PARD3B: variants seen among roughly 807,000 people sequenced by gnomAD.
The protein encoded by PARD3B is par-3 family cell polarity regulator beta, also known as partitioning defective 3 homolog B.
A neutral mutation model predicts 130.2 loss-of-function variants in PARD3B; 103 were observed. The ratio of observed to expected loss-of-function variants is 0.79; its 90% CI spans 0.67 to 0.93. PARD3B has a LOEUF of 0.93. Ranked by LOEUF, PARD3B falls within the 40% of genes least tolerant of loss-of-function variation. The probability of loss-of-function intolerance (pLI) is 0.00; values close to 1 mark genes in which losing one functional copy is unlikely to be tolerated. For missense variants in PARD3B, 1,609 were observed against 1,499.2 expected (o/e 1.07, Z -1.21); for synonymous variants, 583 against 553.2 (o/e 1.05, Z -0.76).
intron 1 of PARD3B, among the ~76,000 whole-genome samples, chr2:204,668,698 C>T (rs79656233): frequency 0.011 from 1,736 of 152,190 alleles, 21 homozygotes; most frequent in African/African-American, 0.039. Flanking sequence ...CAATACATTC[C>T]GTCCTTATGG....
rs574763976 is a variant in PARD3B, at chr2:205,229,930, C to T, written c.2141-15848C>T. On this transcript the variant is annotated intron_variant, in intron 15 of 22. Coordinates refer to ENST00000406610, the MANE Select transcript of PARD3B (RefSeq NM_001302769.2). The surrounding 1 kb of genome is among the most constrained non-coding windows in gnomAD (Gnocchi z 5.2). ...ACTCTCTCCCCACAGCCACCACCAC[C>T]ACGTCCATGGCAAGTACTGCCTGTC... Among the ~76,000 whole-genome samples, 1 of 152,056 alleles carries T rather than the reference C, an allele frequency of 6.6e-6. No individual in the cohort carries two copies. Among genetic ancestry groups the T allele is most frequent in the African/African-American group, 2.4e-5 (1 of 41,496 alleles).
chr2:204,739,913 A>G (rs1237791572), intron 2 of PARD3B, among the ~76,000 whole-genome samples: 1 of 151,692 alleles, frequency 6.6e-6, no homozygotes, highest in Non-Finnish European at 1.5e-5. Context: ...CAGTAATGAC[A>G]TTTTTAAAAG....
At chr2:205,574,008 A>T (rs1006965527) in intron 22 of PARD3B, among the ~76,000 whole-genome samples, 7 of 152,210 alleles carry the variant, frequency 4.6e-5, no homozygotes, top group African/African-American at 1.7e-4. Flanking sequence ...AGAAATCCTT[A>T]TATATTAAAA....
intron 21 of PARD3B, among the ~76,000 whole-genome samples, chr2:205,548,388 A>G (rs1302372983): frequency 6.6e-6 from 1 of 151,720 alleles, no homozygotes; most frequent in East Asian, 1.9e-4. Context: ...CCCTCCTCCC[A>G]CCTCTACTCC....
chr2:205,082,169 T>A (rs1701457130), intron 4 of PARD3B, among the ~76,000 whole-genome samples: 1 of 152,190 alleles, frequency 6.6e-6, no homozygotes, highest in South Asian at 2.1e-4. Flanking sequence ...AGAATTCCTT[T>A]GTTTTTCTAT....
chr2:205,095,807 A>T (rs1003114427), intron 4 of PARD3B, among the ~76,000 whole-genome samples: 4 of 152,160 alleles, frequency 2.6e-5, no homozygotes, highest in African/African-American at 9.6e-5. Context: ...GTATAATTTT[A>T]AAGAACTTTA....
At chr2:205,088,224 C>A (rs1488285543) in intron 4 of PARD3B, among the ~76,000 whole-genome samples, 1 of 152,090 alleles carries the variant, frequency 6.6e-6, no homozygotes, top group African/African-American at 2.4e-5. Context: ...TAGAAACGTA[C>A]TCAGTGATGC....
intron 2 of PARD3B, among the ~76,000 whole-genome samples, chr2:204,859,684 A>T (rs2045105458): frequency 1.3e-5 from 2 of 152,152 alleles, no homozygotes; most frequent in Admixed American, 1.3e-4. Context: ...AGGAGTTTTG[A>T]TGACTGGGAA....
At chr2:205,022,925 G>A (rs1347924218) in intron 3 of PARD3B, among the ~76,000 whole-genome samples, 4 of 152,110 alleles carry the variant, frequency 2.6e-5, no homozygotes, top group African/African-American at 7.2e-5. Flanking sequence ...ACTGTGCCAG[G>A]CACTAAGCTG....
intron 1 of PARD3B, among the ~76,000 whole-genome samples, chr2:204,559,554 A>G (rs1184319035): frequency 6.6e-6 from 1 of 152,204 alleles, no homozygotes; most frequent in East Asian, 1.9e-4. Flanking sequence ...GCTGGAGAGG[A>G]TGTGGAGAAA....
At chr2:204,785,274 C>T (rs1396969245) in intron 2 of PARD3B, among the ~76,000 whole-genome samples, 2 of 152,114 alleles carry the variant, frequency 1.3e-5, no homozygotes, top group East Asian at 1.9e-4. Context: ...CTACCTGTTT[C>T]CCTAGGAATT....
rs75774924 is a variant in PARD3B at position 204,941,256 on chromosome 2, C to T, written c.223-23896C>T. ...GGGCGTGGTGGCACGTGCCCATAGT[C>T]CCGGCTATTCAGGAGGCTGAGGGAG... On this transcript the variant is annotated intron_variant, in intron 2 of 22. Transcript: ENST00000406610. Among the ~76,000 whole-genome samples, 1,452 of 152,270 alleles carry T rather than the reference C, an allele frequency of 9.5e-3. 24 individuals are homozygous for T. The highest frequency in any genetic ancestry group is 0.033 in the African/African-American group (1,379 of 41,552).
At chr2:204,699,329 C>T (rs2037770990) in intron 2 of PARD3B, among the ~76,000 whole-genome samples, 2 of 152,120 alleles carry the variant, frequency 1.3e-5, no homozygotes, top group Non-Finnish European at 1.5e-5. Flanking sequence ...ATTCAATGTA[C>T]TTCATGTCCA....
rs527846613 is a variant in PARD3B at position 205,244,530 on chromosome 2, T to A, written c.2141-1248T>A. ...TAGTATCTGGGTAACACTAGCCTCA[T>A]AGAGTGGCTTGGGAAATCCTCTCTC... On this transcript the variant is annotated intron_variant, in intron 15 of 22. Coordinates refer to ENST00000406610, the MANE Select transcript of PARD3B (RefSeq NM_001302769.2). This position sits in a 1 kb window ranked among gnomAD's most constrained non-coding sequence, Gnocchi z 4.7. Among the ~76,000 whole-genome samples the A allele has an allele frequency of 3.3e-5, 5 of 152,212 alleles. No individual in the cohort carries two copies. The highest frequency in any genetic ancestry group is 1.2e-4 in the African/African-American group (5 of 41,458).
chr2:204,603,098 T>C (rs2033580076), intron 1 of PARD3B, among the ~76,000 whole-genome samples: 1 of 152,130 alleles, frequency 6.6e-6, no homozygotes, highest in African/African-American at 2.4e-5. Context: ...GCCTTCCTGC[T>C]CAGCACAGGA....
intron 3 of PARD3B, among the ~76,000 whole-genome samples, chr2:205,002,588 CA>C (rs1196740458): frequency 6.6e-6 from 1 of 152,160 alleles, no homozygotes; most frequent in Admixed American, 6.5e-5. Context: ...ACATCTACCT[CA>C]ACAGCTCCAG....
At chr2:205,251,805 C>A (rs911591715) in intron 16 of PARD3B, among the ~76,000 whole-genome samples, 2 of 152,076 alleles carry the variant, frequency 1.3e-5, no homozygotes, top group Non-Finnish European at 2.9e-5. Context: ...CTTTCCTCAT[C>A]GACTCATTAA....
intron 21 of PARD3B, among the ~76,000 whole-genome samples, chr2:205,526,163 A>C (rs943585466): frequency 2.6e-5 from 4 of 152,192 alleles, no homozygotes; most frequent in African/African-American, 9.7e-5. Context: ...TCTGTTTCAC[A>C]GTTTGTCCTA....
At chr2:205,270,147 A>T (rs2040664192) in intron 16 of PARD3B, among the ~76,000 whole-genome samples, 1 of 152,210 alleles carries the variant, frequency 6.6e-6, no homozygotes, top group Admixed American at 6.5e-5. Context: ...AAAGTTAAAA[A>T]TTTTAAAAAA....
Sources: allele counts gnomAD v4.1 joint callset (sites outside exome capture counted in the v4.1 genomes callset), GRCh38; gene constraint gnomAD v4.1.1; non-coding constraint Gnocchi (gnomAD v3.1); transcripts MANE v1.5; gene names NCBI Gene and HGNC (gene_info 2026-07-23, HGNC 2026-07-21).